ACAD9: variants seen among roughly 807,000 people sequenced by gnomAD.
ACAD9 encodes the protein complex I assembly factor ACAD9, mitochondrial.
In ACAD9, 53 loss-of-function variants were observed where a neutral mutation model predicts 70.2. The observed-to-expected ratio is 0.75, with a 90% CI of 0.61 to 0.95. The LOEUF is 0.95. Among genes scored for constraint, ACAD9 ranks in the 40% least tolerant of loss-of-function variants. The pLI is 0.00. For synonymous variants in ACAD9, 313 were observed against 312.1 expected (o/e 1.00, Z -0.03); for missense variants, 777 against 802.8 (o/e 0.97, Z 0.39).
At chr3:128,909,157 G>T in intron 14 of ACAD9, 58 bp downstream of exon 14, 1 of 1,610,460 alleles carries the variant, frequency 6.2e-7, no homozygotes, top group South Asian at 1.1e-5. Context: ...AGATCTCCTT[G>T]TGGCAGAAAA....
At position 128,912,895 on chromosome 3, in the gene ACAD9, T is replaced by C. The variant is rs753320661; in HGVS notation, c.*288T>C. On this transcript the variant is annotated 3_prime_UTR_variant, in exon 18 of 18. Coordinates refer to ENST00000308982, the MANE Select transcript of ACAD9 (RefSeq NM_014049.5). ...TATTCTGGTCATTGAGGAGACACCA[T>C]AGTGGAAACTGGGGCTTATGCTGCT... is the stretch of plus-strand genomic sequence containing the variant. 2 of 581,946 alleles carry C rather than the reference T, an allele frequency of 3.4e-6. No homozygotes were observed. The highest frequency in any genetic ancestry group is 1.8e-5 in the African/African-American group (1 of 54,352). The allele number at this position is 581,946 out of a possible 1,614,324, so 36.0% of individuals were successfully genotyped here.
In ACAD9 at chr3:128,896,496, G is replaced by C. The variant is rs761102100; in HGVS notation, c.514G>C (p.Gly172Arg). The C allele has an allele frequency of 6.2e-7, 1 of 1,614,178 alleles. No homozygotes were observed. The highest frequency in any genetic ancestry group is 8.5e-7 in the Non-Finnish European group (1 of 1,180,038). The stretch of plus-strand genomic sequence containing the variant: ...CAAATACTTGCCTAAACTGGCGTCC[G>C]GGGAGCACATTGCAGCCTTCTGCCT... Reference protein sequence around the residue: ...KAKYLPKLASGEHIAAFCLTE... With the variant: ...KAKYLPKLASREHIAAFCLTE... The change falls in exon 5 of 18, where the codon GGG becomes CGG. Residue 172 changes from glycine to arginine, a missense_variant. Transcript: ENST00000308982.
chr3:128,888,115 T>G (rs531714776), intron 2 of ACAD9, among the ~76,000 whole-genome samples: 42 of 150,792 alleles, frequency 2.8e-4, no homozygotes, highest in Non-Finnish European at 5.4e-4. Context: ...AACCTAAGAC[T>G]TTTTTCTGAA....
At chr3:128,907,120 G>T (rs1226784426) in intron 12 of ACAD9, among the ~76,000 whole-genome samples, 1 of 152,166 alleles carries the variant, frequency 6.6e-6, no homozygotes, top group Admixed American at 6.5e-5. Flanking sequence ...CAGGAGGCAG[G>T]CCTGAGACAG....
At chr3:128,889,023 GATC>G (rs1935334371) in intron 2 of ACAD9, among the ~76,000 whole-genome samples, 2 of 151,236 alleles carry the variant, frequency 1.3e-5, no homozygotes, top group African/African-American at 4.9e-5. Context: ...GATCCCATAA[GATC>G]ATCATACCAT....
intron 2 of ACAD9, among the ~76,000 whole-genome samples, chr3:128,885,352 A>G (rs967135449): frequency 2.4e-4 from 37 of 152,138 alleles, no homozygotes; most frequent in African/African-American, 8.4e-4. Context: ...TATGAATTTT[A>G]TCTATCAATA....
intron 6 of ACAD9, among the ~76,000 whole-genome samples, chr3:128,898,912 T>A (rs146768444): frequency 6.6e-6 from 1 of 152,354 alleles, no homozygotes; most frequent in African/African-American, 2.4e-5. Flanking sequence ...AACAAATAAA[T>A]GTTGTGTGTA....
chr3:128,910,741 G>T lies in ACAD9; in HGVS notation c.1693G>T (p.Val565Phe). The change falls in exon 17 of 18, where the codon GTT becomes TTT. Residue 565 changes from valine (V) to phenylalanine (F), a missense_variant and splice_region_variant. Val to Phe is a conservative substitution (Grantham distance 50). Coordinates refer to ENST00000308982, the MANE Select transcript of ACAD9 (RefSeq NM_014049.5). The part of the protein sequence containing the change: ...RIGLRNHDHE[V>F]LLANTFCVEA... The stretch of plus-strand genomic sequence containing the variant: ...TCTTTTCTGTCCTCGGTTCTGGCAG[G>T]TTCTCTTGGCCAACACCTTCTGCGT... 3.7e-6 allele frequency: 6 copies of T among 1,614,184 alleles called. No homozygotes were observed. Among genetic ancestry groups the T allele is most frequent in the Non-Finnish European group, 4.2e-6 (5 of 1,180,012 alleles).
chr3:128,884,840 C>T (rs1935201463), intron 2 of ACAD9, 94 bp downstream of exon 2: 3 of 994,268 alleles, frequency 3.0e-6, no homozygotes. Flanking sequence ...GAGAAGTCTT[C>T]TTGAGGGAGA....
intron 17 of ACAD9, 64 bp downstream of exon 17, chr3:128,910,877 C>G: frequency 6.4e-7 from 1 of 1,569,366 alleles, no homozygotes; most frequent in Non-Finnish European, 8.8e-7. Flanking sequence ...TGATGGTGAG[C>G]TGTTTCTGGA....
intron 2 of ACAD9, among the ~76,000 whole-genome samples, chr3:128,891,801 G>A (rs778934115): frequency 7.9e-5 from 12 of 152,082 alleles, no homozygotes; most frequent in Non-Finnish European, 1.8e-4. Flanking sequence ...ATCTCTGGCT[G>A]CTTTTCAGTG....
intron 5 of ACAD9, among the ~76,000 whole-genome samples, chr3:128,896,844 A>G (rs1242979825): frequency 6.6e-6 from 1 of 152,188 alleles, no homozygotes; most frequent in African/African-American, 2.4e-5. Flanking sequence ...CAGAATATAT[A>G]GCGTGGGTGG....
At chr3:128,897,817 G>A (rs1935610891) in intron 6 of ACAD9, 107 bp downstream of exon 6, 26 of 1,037,596 alleles carry the variant, frequency 2.5e-5, no homozygotes, top group South Asian at 4.0e-5. Context: ...CTGTAGCACC[G>A]ACTACCTTCT....
In ACAD9 at chr3:128,904,056, C is replaced by T. The variant is rs368541873; in HGVS notation, c.959-6C>T. 23 of 1,613,888 alleles carry T rather than the reference C, an allele frequency of 1.4e-5. No individual in the cohort carries two copies. The East Asian group carries it at 4.2e-4, about 30-fold the overall frequency. On this transcript the variant is annotated splice_polypyrimidine_tract_variant and splice_region_variant and intron_variant, in intron 9 of 17. Transcript: ENST00000308982. ...AGTTCATTCTAATAACTCTGCTCTTCCTCAGAAATGACTGCTGAGTACGCC... is the reference window on the plus strand; with the variant it reads ...AGTTCATTCTAATAACTCTGCTCTTTCTCAGAAATGACTGCTGAGTACGCC...
intron 13 of ACAD9, chr3:128,908,583 C>T (rs925705197): frequency 1.8e-6 from 1 of 555,068 alleles, no homozygotes; most frequent in Non-Finnish European, 3.2e-6. Context: ...TGCCAGGCCT[C>T]ACAGCCAACA....
chr3:128,909,550 TG>T, intron 15 of ACAD9, 129 bp downstream of exon 15: 1 of 1,033,782 alleles, frequency 9.7e-7, no homozygotes, highest in Non-Finnish European at 1.5e-6. Context: ...CCTGGAGGGA[TG>T]GGGTGGTGAG....
intron 2 of ACAD9, among the ~76,000 whole-genome samples, chr3:128,885,814 C>G (rs1935227118): frequency 1.3e-5 from 2 of 152,150 alleles, no homozygotes; most frequent in South Asian, 4.1e-4. Context: ...GTCTGGAGTT[C>G]AAGACCAGCG....
In ACAD9 at chr3:128,910,101, G is replaced by GTGC; in HGVS notation, c.1644_1645insTGC (p.Ser548_Arg549insCys). Reference sequence around the variant, plus strand: ...TGTATGGCATGACGGCCGTGCTGTCGCGGGCCAGCCGCTCCATCCGCATTG... The same window carrying GTGC: ...TGTATGGCATGACGGCCGTGCTGTCGTGCCGGGCCAGCCGCTCCATCCGCATTG... On this transcript the variant is annotated inframe_insertion, in exon 16 of 18. Coordinates refer to ENST00000308982, the MANE Select transcript of ACAD9 (RefSeq NM_014049.5). The GTGC allele has an allele frequency of 6.2e-7, 1 of 1,613,578 alleles. No individual in the cohort carries two copies.
At chr3:128,897,172 T>C (rs914713650) in intron 5 of ACAD9, among the ~76,000 whole-genome samples, 1 of 152,216 alleles carries the variant, frequency 6.6e-6, no homozygotes, top group Non-Finnish European at 1.5e-5. Context: ...GCCTCCTGCC[T>C]GTTTTTTATA....
Sources: gnomAD v4.1 joint callset for allele counts (sites outside exome capture counted in the v4.1 genomes callset) on GRCh38, gnomAD v4.1.1 for gene constraint, MANE v1.5 for transcripts, NCBI Gene and HGNC (gene_info 2026-07-23, HGNC 2026-07-21) for gene names.